DNM3: variants seen among roughly 807,000 people sequenced by gnomAD.
DNM3 encodes dynamin-3.
In DNM3, 47 loss-of-function variants were observed where a neutral mutation model predicts 101.6. The ratio of observed to expected loss-of-function variants is 0.46; its 90% CI spans 0.37 to 0.59. The LOEUF is 0.59. Among genes scored for constraint, DNM3 ranks in the 20% least tolerant of loss-of-function variants. The pLI, the probability that DNM3 is intolerant of heterozygous loss-of-function variation, is 0.00. For synonymous variants in DNM3, 385 were observed against 387.9 expected (o/e 0.99, Z 0.09); for missense variants, 849 against 1,085.7 (o/e 0.78, Z 3.06).
At chr1:172,081,148 A>G (rs2053113703) in intron 11 of DNM3, among the ~76,000 whole-genome samples, 1 of 152,120 alleles carries the variant, frequency 6.6e-6, no homozygotes, top group African/African-American at 2.4e-5. Context: ...TGCAGTGGCT[A>G]TTCACAGGCC....
chr1:171,988,244 A>T (rs929348870), intron 3 of DNM3, among the ~76,000 whole-genome samples: 3 of 152,154 alleles, frequency 2.0e-5, no homozygotes, highest in Non-Finnish European at 4.4e-5. Flanking sequence ...TATAAATTAG[A>T]TAACCAATCC....
chr1:171,993,953 C>G (rs893171705), intron 4 of DNM3, among the ~76,000 whole-genome samples: 1 of 151,930 alleles, frequency 6.6e-6, no homozygotes, highest in Non-Finnish European at 1.5e-5. Flanking sequence ...AAAAAAATTT[C>G]TGTCTCCTTA....
At chr1:172,090,474 A>G (rs1009911297) in intron 12 of DNM3, among the ~76,000 whole-genome samples, 1 of 152,202 alleles carries the variant, frequency 6.6e-6, no homozygotes, top group African/African-American at 2.4e-5. Flanking sequence ...CAAGACCTGA[A>G]TAATGTAGAT....
chr1:172,086,588 A>G (rs561503286), intron 12 of DNM3, among the ~76,000 whole-genome samples: 1 of 152,132 alleles, frequency 6.6e-6, no homozygotes, highest in Admixed American at 6.5e-5. Flanking sequence ...CAATCTAATT[A>G]AAGTTTTAAT....
intron 15 of DNM3, among the ~76,000 whole-genome samples, chr1:172,263,178 T>C (rs965547249): frequency 2.0e-5 from 3 of 152,216 alleles, no homozygotes; most frequent in Non-Finnish European, 4.4e-5. Flanking sequence ...ACTGTGATAA[T>C]AGTGAACTTA....
chr1:172,395,752 A>T (rs546985432), intron 20 of DNM3, among the ~76,000 whole-genome samples: 6 of 152,310 alleles, frequency 3.9e-5, no homozygotes, highest in Admixed American at 6.5e-5. Context: ...GTCGGGGGGA[A>T]CCCCTGAATC....
At chr1:172,149,130 C>T (rs532842601) in intron 14 of DNM3, among the ~76,000 whole-genome samples, 96 of 152,232 alleles carry the variant, frequency 6.3e-4, no homozygotes, top group African/African-American at 2.2e-3. Context: ...GATTTTAAAA[C>T]GTACATTTAC....
intron 18 of DNM3, among the ~76,000 whole-genome samples, chr1:172,381,365 G>T (rs2068893727): frequency 6.6e-6 from 1 of 151,986 alleles, no homozygotes; most frequent in South Asian, 2.1e-4. Flanking sequence ...TTATGAAATT[G>T]TGGCTTTGTT....
chr1:171,963,312 A>G (rs2043339300), intron 2 of DNM3, among the ~76,000 whole-genome samples: 1 of 152,178 alleles, frequency 6.6e-6, no homozygotes, highest in Non-Finnish European at 1.5e-5. Flanking sequence ...CAACTATGTG[A>G]CATTCCTGAA....
intron 14 of DNM3, among the ~76,000 whole-genome samples, chr1:172,249,254 ACT>A (rs1292746181): frequency 6.6e-6 from 1 of 151,770 alleles, no homozygotes; most frequent in East Asian, 1.9e-4. Context: ...TCTCTCATTG[ACT>A]CTCTGGTTTC....
In DNM3 at chr1:172,411,168, TA is replaced by T; in HGVS notation, c.*3330del. 3.0e-6 allele frequency: 3 copies of T among 985,242 alleles called. No homozygotes were observed. Among genetic ancestry groups the T allele is most frequent in the Non-Finnish European group, 3.6e-6 (3 of 829,772 alleles). 61.0% of individuals were successfully genotyped at this position (985,242 alleles called of 1,614,324 possible). A position where few individuals can be genotyped will look rare whatever the true frequency, so the allele number is the denominator to read the frequency against. ...GTATGTGTGGTATCAGGATATTTTT[TA>T]AACTGTGATAATACAACAGATAGCT... On this transcript the variant is annotated 3_prime_UTR_variant, in exon 21 of 21. Coordinates refer to ENST00000627582, the MANE Select transcript of DNM3 (RefSeq NM_015569.5).
chr1:172,339,699 C>T (rs112479024), intron 17 of DNM3, among the ~76,000 whole-genome samples: 2,085 of 152,264 alleles, frequency 0.014, 63 homozygotes, highest in African/African-American at 0.047. Context: ...ATCCTCCCTG[C>T]TTGTCCTGCC....
intron 14 of DNM3, chr1:172,132,754 A>G: frequency 3.3e-6 from 2 of 601,892 alleles, no homozygotes; most frequent in South Asian, 4.4e-5. Flanking sequence ...CTAGTGTTTT[A>G]TATGTATTAA....
intron 14 of DNM3, among the ~76,000 whole-genome samples, chr1:172,131,585 G>A (rs2056939453): frequency 6.6e-6 from 1 of 152,110 alleles, no homozygotes; most frequent in Non-Finnish European, 1.5e-5. Context: ...TCATGTCAAT[G>A]TACTGGTAAA....
intron 14 of DNM3, among the ~76,000 whole-genome samples, chr1:172,218,227 C>G (rs1305899839): frequency 6.6e-6 from 1 of 151,964 alleles, no homozygotes; most frequent in Non-Finnish European, 1.5e-5. Flanking sequence ...GAGCCAGACT[C>G]TTAAGAAAAG....
At chr1:172,009,058 ATAT>A (rs1272878490) in intron 4 of DNM3, among the ~76,000 whole-genome samples, 1 of 138,242 alleles carries the variant, frequency 7.2e-6, no homozygotes, top group Non-Finnish European at 1.5e-5. Flanking sequence ...ATTATATAAT[ATAT>A]TATATGTATT....
intron 14 of DNM3, among the ~76,000 whole-genome samples, chr1:172,214,978 G>T (rs1012495287): frequency 5.3e-4 from 80 of 152,160 alleles, no homozygotes; most frequent in African/African-American, 1.9e-3. Flanking sequence ...ATATGTTAAC[G>T]TAAGTTAATA....
intron 13 of DNM3, among the ~76,000 whole-genome samples, chr1:172,122,133 C>G (rs1349838130): frequency 6.6e-6 from 1 of 152,052 alleles, no homozygotes; most frequent in Non-Finnish European, 1.5e-5. Context: ...TTTTTAATCA[C>G]ATGAGTATTA....
intron 20 of DNM3, chr1:172,393,024 G>A (rs1327711271): frequency 6.6e-6 from 1 of 152,202 alleles, no homozygotes; most frequent in East Asian, 1.9e-4. Context: ...GATTATTCCA[G>A]AGTGTCTCAC....
Sources: gnomAD v4.1 joint callset for allele counts (sites outside exome capture counted in the v4.1 genomes callset) on GRCh38, gnomAD v4.1.1 for gene constraint, MANE v1.5 for transcripts, NCBI Gene and HGNC (gene_info 2026-07-23, HGNC 2026-07-21) for gene names.